The following DYNC1I2 variants were observed in gnomAD, a reference collection of about 807,000 sequenced individuals.
DYNC1I2 encodes cytoplasmic dynein 1 intermediate chain 2.
A neutral mutation model predicts 88.6 loss-of-function variants in DYNC1I2; 53 were observed. The ratio of observed to expected loss-of-function variants is 0.60; its 90% confidence interval spans 0.48 to 0.75. The LOEUF (loss-of-function observed/expected upper bound fraction) is 0.75, where lower values mean the gene tolerates loss of function less well. DYNC1I2 is among the 30% of genes least tolerant of loss of function. The pLI is 0.00. For missense variants in DYNC1I2, 458 were observed against 766.6 expected (o/e 0.60, Z 4.75); for synonymous variants, 198 against 254.6 (o/e 0.78, Z 2.12).
intron 3 of DYNC1I2, among the ~76,000 whole-genome samples, chr2:171,696,909 T>A (rs916125416): frequency 6.6e-6 from 1 of 152,198 alleles, no homozygotes; most frequent in African/African-American, 2.4e-5. Context: ...AACATTTTTC[T>A]TTCCTCAAGA....
At chr2:171,707,241 C>T in intron 4 of DYNC1I2, 46 bp from the exon 5 acceptor site, 2 of 1,613,462 alleles carry the variant, frequency 1.2e-6, no homozygotes, top group South Asian at 1.1e-5. Context: ...AGCTGAGCAA[C>T]CTCTCCGTGT....
chr2:171,747,521 A>G (rs902785834), intron 17 of DYNC1I2, among the ~76,000 whole-genome samples: 19 of 152,142 alleles, frequency 1.2e-4, no homozygotes, highest in African/African-American at 3.6e-4. Context: ...TTTACAAAGC[A>G]TCATTGTTAT....
At chr2:171,726,370 G>A in intron 10 of DYNC1I2, 77 bp downstream of exon 10, 17 of 1,004,206 alleles carry the variant, frequency 1.7e-5, no homozygotes, top group South Asian at 5.1e-5. Context: ...TTTAATTATG[G>A]GAATTTTGTA....
intron 7 of DYNC1I2, among the ~76,000 whole-genome samples, chr2:171,723,952 G>T (rs1688068403): frequency 6.6e-6 from 1 of 152,208 alleles, no homozygotes; most frequent in South Asian, 2.1e-4. Context: ...GACAAATGTG[G>T]TTGGGCTGGC....
chr2:171,745,956 C>T (rs1290706316), intron 17 of DYNC1I2, 29 bp downstream of exon 17: 9 of 1,611,812 alleles, frequency 5.6e-6, no homozygotes, highest in Non-Finnish European at 7.6e-6. Context: ...GTAATTTTGA[C>T]ACATCGATTT....
At chr2:171,746,362 C>T (rs1689780402) in intron 17 of DYNC1I2, among the ~76,000 whole-genome samples, 2 of 152,184 alleles carry the variant, frequency 1.3e-5, no homozygotes, top group South Asian at 4.1e-4. Flanking sequence ...TGCATCTTGA[C>T]TCTTAAGCCT....
chr2:171,704,899 G>A (rs1686558851), intron 3 of DYNC1I2, among the ~76,000 whole-genome samples: 1 of 152,174 alleles, frequency 6.6e-6, no homozygotes, highest in African/African-American at 2.4e-5. Flanking sequence ...CTTTTGTAAT[G>A]ATAGTAATTT....
intron 6 of DYNC1I2, among the ~76,000 whole-genome samples, chr2:171,713,800 G>A (rs1048821838): frequency 6.6e-6 from 1 of 152,104 alleles, no homozygotes; most frequent in Non-Finnish European, 1.5e-5. Flanking sequence ...AAAAATATAT[G>A]AGTTTCTTGT....
intron 4 of DYNC1I2, 194 bp from the exon 5 acceptor site, chr2:171,707,093 A>C (rs985358798): frequency 2.1e-4 from 139 of 659,186 alleles, no homozygotes; most frequent in Non-Finnish European, 2.6e-4. Context: ...ATGAATCTTC[A>C]GCATGCATTG....
chr2:171,735,198 C>T (rs531999461), intron 15 of DYNC1I2, among the ~76,000 whole-genome samples: 3 of 152,314 alleles, frequency 2.0e-5, no homozygotes, highest in Admixed American at 2.0e-4. Context: ...CAATTTGGCA[C>T]AGCCTCAAAT....
chr2:171,744,030 A>G lies in DYNC1I2; in HGVS notation c.1537-19A>G, dbSNP rs1031311866. On this transcript the variant is annotated intron_variant, in intron 15 of 17. Transcript: ENST00000397119. The stretch of plus-strand genomic sequence containing the variant: ...ATGTCATATATGGACTGTGCTAAGA[A>G]TCAACTTTTCTCTTTCAGAATAACA... 1 of 1,602,758 alleles carries G rather than the reference A, an allele frequency of 6.2e-7. No individual in the cohort carries two copies. Among genetic ancestry groups the G allele is most frequent in the Non-Finnish European group, 8.5e-7 (1 of 1,176,506 alleles).
Position 171,729,783 on chromosome 2 carries a change from G to A in DYNC1I2, c.1466G>A (p.Gly489Glu). ...GGCATCCATTGTCATGCAGCTGTTG[G>A]AGCAGTAGACTTCTCACATCTTTTT... ...ITGIHCHAAV[G>E]AVDFSHLFVT... The change falls in exon 15 of 18, where the codon GGA becomes GAA. Residue 489 changes from glycine to glutamate, a missense_variant. By Grantham distance (98) the Gly-to-Glu change is moderately conservative (BLOSUM62 -2). Coordinates refer to ENST00000397119, the MANE Select transcript of DYNC1I2 (RefSeq NM_001378.3). 2 of 1,613,708 alleles carry A rather than the reference G, an allele frequency of 1.2e-6. No homozygotes were observed. The highest frequency in any genetic ancestry group is 1.1e-5 in the South Asian group (1 of 91,072).
chr2:171,741,542 C>T (rs2105773369), intron 15 of DYNC1I2, among the ~76,000 whole-genome samples: 1 of 152,184 alleles, frequency 6.6e-6, no homozygotes, highest in East Asian at 1.9e-4. Context: ...TTTTCATGTA[C>T]TTATAGGCTA....
rs61079902 is a variant in DYNC1I2, at chr2:171,733,459, C to CTTTTTTTTTTTTTTTTTT, written c.1536+3619_1536+3636dup. Among the ~76,000 whole-genome samples, 22 of 55,774 alleles carry CTTTTTTTTTTTTTTTTTT rather than the reference C, an allele frequency of 3.9e-4. 6 individuals are homozygous for CTTTTTTTTTTTTTTTTTT. The highest frequency in any genetic ancestry group is 6.0e-4 in the Non-Finnish European group (19 of 31,500). 36.6% of individuals were successfully genotyped at this position (55,774 alleles called of 152,430 possible). ...TTTTTCTCCACAACCTTGCCAGCATCTTTTTTTTTTTTTTTTTTTTTTTTT... is the reference window on the plus strand; with the variant it reads ...TTTTTCTCCACAACCTTGCCAGCATCTTTTTTTTTTTTTTTTTTTTTTTTTTTTTTTTTTTTTTTTTTT... On this transcript the variant is annotated intron_variant, in intron 15 of 17. Transcript: ENST00000397119.
intron 15 of DYNC1I2, among the ~76,000 whole-genome samples, chr2:171,743,137 A>G (rs974857463): frequency 1.3e-5 from 2 of 152,316 alleles, no homozygotes; most frequent in South Asian, 4.1e-4. Context: ...TTTTTATGTT[A>G]TATGTATTAT....
chr2:171,739,790 C>G (rs1170743280), intron 15 of DYNC1I2, among the ~76,000 whole-genome samples: 1 of 139,282 alleles, frequency 7.2e-6, no homozygotes, highest in Non-Finnish European at 1.5e-5. Flanking sequence ...ACTGCAACCT[C>G]TGTCTCCTGG....
rs776135661 is a variant in DYNC1I2 at position 171,730,833 on chromosome 2, C to G, written c.1536+980C>G. Among the ~76,000 whole-genome samples the G allele has an allele frequency of 1.1e-3, 162 of 152,074 alleles. 2 individuals carry two copies. The highest frequency in any genetic ancestry group is 3.9e-4 in the Admixed American group (6 of 15,262). Reference sequence around the variant, plus strand: ...AACCTAATGTAAGAGATGTTCTTCACTATTTTAGTGAACTCCTAGTTATTT... The same window carrying G: ...AACCTAATGTAAGAGATGTTCTTCAGTATTTTAGTGAACTCCTAGTTATTT... On this transcript the variant is annotated intron_variant, in intron 15 of 17. Transcript: ENST00000397119.
intron 15 of DYNC1I2, among the ~76,000 whole-genome samples, chr2:171,734,708 G>A (rs182377751): frequency 1.1e-3 from 164 of 152,262 alleles, no homozygotes; most frequent in Admixed American, 1.8e-3. Flanking sequence ...TCTGTGAAGG[G>A]TAGAGAAGAA....
chr2:171,692,569 G>A (rs1685476816), intron 2 of DYNC1I2, among the ~76,000 whole-genome samples: 1 of 152,068 alleles, frequency 6.6e-6, no homozygotes. Context: ...TGAAGATAGA[G>A]CAGTTTAGTA....
Sources: gnomAD v4.1 joint callset for allele counts (sites outside exome capture counted in the v4.1 genomes callset) on GRCh38, gnomAD v4.1.1 for gene constraint, MANE v1.5 for transcripts, NCBI Gene and HGNC (gene_info 2026-07-23, HGNC 2026-07-21) for gene names.